The following NHEJ1 variants were observed in gnomAD, a reference collection of about 807,000 sequenced individuals.
NHEJ1 encodes non-homologous end joining factor 1.
Under a neutral mutation model 39.4 loss-of-function variants are expected in NHEJ1, and 22 were observed. That is an observed-to-expected ratio of 0.56 (90% confidence interval 0.40 to 0.80). The LOEUF is 0.80. NHEJ1 is among the 30% of genes least tolerant of loss of function. The pLI is 0.00. For missense variants in NHEJ1, 329 were observed against 357.1 expected (o/e 0.92, Z 0.63); for synonymous variants, 154 against 135.6 (o/e 1.14, Z -0.94).
chr2:219,083,544 T>C lies in NHEJ1; in HGVS notation c.589-5338A>G, dbSNP rs571866679. On this transcript the variant is annotated intron_variant, in intron 5 of 7. Coordinates refer to ENST00000356853, the MANE Select transcript of NHEJ1 (RefSeq NM_024782.3). ...AGATGTGGATTTGTACCTAAGGTGG[T>C]CTTCTATTTGCTAGCTGTGACACTG... is the stretch of plus-strand genomic sequence containing the variant. 8.6e-5 allele frequency among the ~76,000 whole-genome samples: 13 copies of C among 151,744 alleles called. No homozygotes were observed. In the East Asian group the frequency reaches 2.5e-3, roughly 29 times the overall value.
intron 5 of NHEJ1, among the ~76,000 whole-genome samples, chr2:219,138,404 A>G (rs1402876073): frequency 6.6e-6 from 1 of 152,212 alleles, no homozygotes; most frequent in Non-Finnish European, 1.5e-5. Flanking sequence ...AATATAGGCT[A>G]CTCATCTATT....
chr2:219,149,158 A>G (rs930418394), intron 3 of NHEJ1, among the ~76,000 whole-genome samples: 2 of 152,056 alleles, frequency 1.3e-5, no homozygotes, highest in Non-Finnish European at 2.9e-5. Flanking sequence ...TGCTGGGATT[A>G]CAGGCGTGAG....
At chr2:219,158,442 C>T (rs1483205981) in intron 1 of NHEJ1, 80 bp from the exon 2 acceptor site, 18 of 1,339,722 alleles carry the variant, frequency 1.3e-5, no homozygotes, top group South Asian at 1.2e-5. Context: ...CAGTCTGTAT[C>T]AACTAAAATC....
At chr2:219,120,342 G>A (rs72951768) in intron 5 of NHEJ1, among the ~76,000 whole-genome samples, 1 of 152,242 alleles carries the variant, frequency 6.6e-6, no homozygotes, top group Non-Finnish European at 1.5e-5. Context: ...GACTCAATAA[G>A]GTAGTGTAGC....
intron 5 of NHEJ1, among the ~76,000 whole-genome samples, chr2:219,088,521 T>G (rs1252490034): frequency 6.6e-6 from 1 of 152,150 alleles, no homozygotes; most frequent in Non-Finnish European, 1.5e-5. Flanking sequence ...AATTAACATT[T>G]TATTGAGTAA....
At chr2:219,135,065 CATGT>C (rs1949613931) in intron 5 of NHEJ1, among the ~76,000 whole-genome samples, 1 of 60,054 alleles carries the variant, frequency 1.7e-5, no homozygotes, top group Non-Finnish European at 4.2e-5. Context: ...AAAAATTCAA[CATGT>C]ATGTGAAAAA....
intron 5 of NHEJ1, among the ~76,000 whole-genome samples, chr2:219,140,166 A>T (rs1407097733): frequency 6.6e-6 from 1 of 152,242 alleles, no homozygotes; most frequent in Non-Finnish European, 1.5e-5. Flanking sequence ...TAAGAGTGTT[A>T]GAAAAACAGC....
At chr2:219,087,058 C>T (rs546170833) in intron 5 of NHEJ1, among the ~76,000 whole-genome samples, 2 of 152,220 alleles carry the variant, frequency 1.3e-5, no homozygotes, top group South Asian at 4.2e-4. Context: ...AGTGTAGGAG[C>T]AACTCTCATT....
chr2:219,159,298 T>C (rs1949887573), intron 1 of NHEJ1: 1 of 151,906 alleles, frequency 6.6e-6, no homozygotes, highest in Non-Finnish European at 1.5e-5. Context: ...CAATCAGAAC[T>C]ACGGCTGCTT....
rs1267039302 is a variant in NHEJ1 at position 219,074,029 on chromosome 2, C to T, written c.*2352G>A. On this transcript the variant is annotated 3_prime_UTR_variant, in exon 8 of 8. Transcript: ENST00000356853. ...AGGATGAATGATTCTCAACCACTAC[C>T]CCTAGCTTTGCGGGGTAAGGGCTTC... Among the ~76,000 whole-genome samples the T allele has an allele frequency of 6.6e-6, 1 of 152,196 alleles. No individual in the cohort carries two copies. The highest frequency in any genetic ancestry group is 2.4e-5 in the African/African-American group (1 of 41,452).
chr2:219,152,953 C>A (rs1302353709), intron 3 of NHEJ1, among the ~76,000 whole-genome samples: 1 of 151,994 alleles, frequency 6.6e-6, no homozygotes, highest in Non-Finnish European at 1.5e-5. Context: ...CAGGCATGCA[C>A]CACCATGCCC....
intron 5 of NHEJ1, among the ~76,000 whole-genome samples, chr2:219,091,201 A>C (rs1379850881): frequency 6.6e-6 from 1 of 152,264 alleles, no homozygotes; most frequent in Non-Finnish European, 1.5e-5. Context: ...GGACTAGCCC[A>C]GTTAGATAGG....
intron 5 of NHEJ1, among the ~76,000 whole-genome samples, chr2:219,086,742 G>A (rs879617921): frequency 6.6e-6 from 1 of 152,102 alleles, no homozygotes; most frequent in African/African-American, 2.4e-5. Context: ...AAGTGAAGGT[G>A]GGGGCGGGGC....
intron 5 of NHEJ1, among the ~76,000 whole-genome samples, chr2:219,094,955 A>C (rs896581326): frequency 6.6e-6 from 1 of 152,154 alleles, no homozygotes; most frequent in African/African-American, 2.4e-5. Context: ...CCAAACCACC[A>C]AAACAGAGGA....
chr2:219,115,105 C>A (rs577649563), intron 5 of NHEJ1, among the ~76,000 whole-genome samples: 3 of 151,224 alleles, frequency 2.0e-5, no homozygotes. Context: ...GAGTGGGGCT[C>A]CAACAGACTG....
chr2:219,159,207 A>C (rs1389413143), intron 1 of NHEJ1: 1 of 152,266 alleles, frequency 6.6e-6, no homozygotes, highest in Non-Finnish European at 1.5e-5. Flanking sequence ...ACTGCCACCA[A>C]TGACAACATG....
intron 5 of NHEJ1, among the ~76,000 whole-genome samples, chr2:219,084,418 A>G (rs1949094352): frequency 6.6e-6 from 1 of 152,208 alleles, no homozygotes; most frequent in African/African-American, 2.4e-5. Flanking sequence ...ATTATCTAGT[A>G]ATACAGTGAC....
At chr2:219,103,424 C>A (rs1027159736) in intron 5 of NHEJ1, among the ~76,000 whole-genome samples, 2 of 151,900 alleles carry the variant, frequency 1.3e-5, no homozygotes, top group African/African-American at 4.8e-5. Context: ...TACAGGCACA[C>A]ACCAGAATAC....
intron 5 of NHEJ1, chr2:219,095,188 A>G (rs1949194601): frequency 2.3e-6 from 1 of 428,508 alleles, no homozygotes; most frequent in Non-Finnish European, 4.9e-6. Flanking sequence ...TTCCTTTCCC[A>G]CTTCCATTCA....
Sources: allele counts gnomAD v4.1 joint callset (sites outside exome capture counted in the v4.1 genomes callset), GRCh38; gene constraint gnomAD v4.1.1; transcripts MANE v1.5; gene names NCBI Gene and HGNC (gene_info 2026-07-23, HGNC 2026-07-21).